The following MKI67 variants were observed in gnomAD, a reference collection of about 807,000 sequenced individuals.
The protein encoded by MKI67 is proliferation marker protein Ki-67.
In MKI67, 152 loss-of-function variants were observed where a neutral mutation model predicts 233.5. The observed-to-expected ratio is 0.65, with a 90% CI of 0.57 to 0.74. MKI67 has a LOEUF of 0.74. Among genes scored for constraint, MKI67 ranks in the 30% least tolerant of loss-of-function variants. The pLI is 0.00. For synonymous variants in MKI67, 1,465 were observed against 1,418.5 expected (o/e 1.03, Z -0.74); for missense variants, 3,940 against 3,885.2 (o/e 1.01, Z -0.37).
Position 128,105,590 on chromosome 10 carries a change from G to A in MKI67, c.6250C>T (p.Gln2084Ter), listed in dbSNP as rs1304997327. The change falls in exon 13 of 15, where the codon CAG (glutamine) becomes TAG (stop). Residue 2084 changes from glutamine (Q) to a stop codon, truncating the protein, a stop_gained. Coordinates refer to ENST00000368654, the MANE Select transcript of MKI67 (RefSeq NM_002417.5). LOFTEE classifies it high-confidence loss of function. ...GATTCCTCAGTGTGGTCTGGTGTCT[G>A]GAAGAGCTCTTTGAAGCCGGCCAGG... is the stretch of plus-strand genomic sequence containing the variant. ...EDLAGFKELF[Q>*]TPDHTEESTT... 1.9e-6 allele frequency: 3 copies of A among 1,614,148 alleles called. No individual in the cohort carries two copies. Among genetic ancestry groups the A allele is most frequent in the Non-Finnish European group, 2.5e-6 (3 of 1,180,026 alleles).
chr10:128,116,144 C>T, intron 6 of MKI67, 137 bp from the exon 7 acceptor site: 1 of 954,932 alleles, frequency 1.0e-6, no homozygotes, highest in Non-Finnish European at 1.5e-6. Flanking sequence ...TATTTAATGC[C>T]TAAAACTTGC....
In MKI67 at chr10:128,106,196, T is replaced by C. The variant is rs775935458; in HGVS notation, c.5644A>G (p.Lys1882Glu). ...NTKQRPKRSL[K>E]KADVEEEFLA... is the part of the protein sequence containing the mutation. ...AATTCTTCCTCTACGTCTGCTTTCT[T>C]GAGGCTTCTCTTGGGCCGTTGCTTT... The change falls in exon 13 of 15, where the codon AAG becomes GAG. Residue 1882 changes from lysine (K) to glutamate (E), a missense_variant. Coordinates refer to ENST00000368654, the MANE Select transcript of MKI67 (RefSeq NM_002417.5). 1 of 1,613,752 alleles carries C rather than the reference T, an allele frequency of 6.2e-7. No homozygotes were observed. Among genetic ancestry groups the C allele is most frequent in the Non-Finnish European group, 8.5e-7 (1 of 1,179,958 alleles).
Position 128,106,722 on chromosome 10 carries a change from G to C in MKI67, c.5118C>G (p.Val1706=). 6.2e-7 allele frequency: 1 copy of C among 1,613,536 alleles called. No individual in the cohort carries two copies. Among genetic ancestry groups the C allele is most frequent in the Non-Finnish European group, 8.5e-7 (1 of 1,179,908 alleles). The part of the protein sequence containing the change: ...QLRTPKGKSE[V]PEDLAGFIEL... Reference sequence around the variant, plus strand: ...CGATGAAGCCGGCCAGGTCTTCAGGGACTTCAGACTTTCCCTTAGGAGTTC... The same window carrying C: ...CGATGAAGCCGGCCAGGTCTTCAGGCACTTCAGACTTTCCCTTAGGAGTTC... The change falls in exon 13 of 15, where the codon GTC becomes GTG. Residue 1706 remains valine (V), a synonymous_variant. Transcript: ENST00000368654.
chr10:128,107,195 T>C lies in MKI67; in HGVS notation c.4645A>G (p.Lys1549Glu), dbSNP rs1461633769. The part of the protein sequence containing the change: ...HTPKPAVSGE[K>E]NIYAFMGTPV... Reference sequence around the variant, plus strand: ...GTTCCCATAAATGCGTAGATGTTTTTCTCACCACTTACTGCTGGTTTGGGT... The same window carrying C: ...GTTCCCATAAATGCGTAGATGTTTTCCTCACCACTTACTGCTGGTTTGGGT... The change falls in exon 13 of 15, where the codon AAA (lysine) becomes GAA (glutamate). Residue 1549 changes from lysine to glutamate, a missense_variant. Transcript: ENST00000368654. The C allele has an allele frequency of 1.2e-6, 2 of 1,614,086 alleles. No homozygotes were observed. The highest frequency in any genetic ancestry group is 2.2e-5 in the East Asian group (1 of 44,870).
At position 128,096,793 on chromosome 10, in the gene MKI67, A is replaced by G. The variant is rs1852221801; in HGVS notation, c.*2397T>C. 6.6e-6 allele frequency: 1 copy of G among 152,300 alleles called. No homozygotes were observed. Among genetic ancestry groups the G allele is most frequent in the South Asian group, 2.1e-4 (1 of 4,838 alleles). 9.4% of individuals were successfully genotyped at this position (152,300 alleles called of 1,614,324 possible). A position where few individuals can be genotyped will look rare whatever the true frequency, so the allele number is the denominator to read the frequency against. On this transcript the variant is annotated 3_prime_UTR_variant, in exon 15 of 15. Transcript: ENST00000368654. ...CCCCAGGAGGGGAGCCAGAAACTCA[A>G]TTAGTGGCTTAGTTTCCACAACACT...
intron 4 of MKI67, among the ~76,000 whole-genome samples, chr10:128,121,904 T>C (rs942338002): frequency 6.6e-6 from 1 of 152,084 alleles, no homozygotes; most frequent in Non-Finnish European, 1.5e-5. Flanking sequence ...CACAAATGTA[T>C]ACATTCTTGT....
rs1852438699 is a variant in MKI67 at position 128,104,796 on chromosome 10, G to A, written c.7044C>T (p.Asp2348=). The change falls in exon 13 of 15, where the codon GAC becomes GAT. Residue 2348 remains aspartate, a synonymous_variant. Transcript: ENST00000368654. The part of the protein sequence containing the change: ...TKIACKSPQP[D]PVDTPASTKQ... ...TTGTGCTTGCTGGGGTGTCCACTGG[G>A]TCTGGTTGTGGAGATTTGCAGGCTA... 1 of 1,613,404 alleles carries A rather than the reference G, an allele frequency of 6.2e-7. No individual in the cohort carries two copies. The highest frequency in any genetic ancestry group is 2.2e-5 in the East Asian group (1 of 44,788).
intron 13 of MKI67, among the ~76,000 whole-genome samples, 163 bp downstream of exon 13, chr10:128,102,416 T>C (rs1852354479): frequency 6.6e-6 from 1 of 152,204 alleles, no homozygotes; most frequent in Admixed American, 6.5e-5. Flanking sequence ...CCTCTATAGG[T>C]CCCAAGAAGA....
At chr10:128,117,185 A>G (rs912088730) in intron 5 of MKI67, among the ~76,000 whole-genome samples, 3 of 152,142 alleles carry the variant, frequency 2.0e-5, no homozygotes, top group Non-Finnish European at 4.4e-5. Flanking sequence ...AATATTAAAC[A>G]TCACCTATAC....
In MKI67 at chr10:128,115,928, C is replaced by T. The variant is rs747822810; in HGVS notation, c.480G>A (p.Lys160=). Residue 160 remains lysine, a synonymous_variant, in exon 7 of 15, where the codon AAG becomes AAA. Coordinates refer to ENST00000368654, the MANE Select transcript of MKI67 (RefSeq NM_002417.5). ...CTGCGGTACTGTCTTCTTTGACATTCTTGATATGTACCTGAGGATTTCCTG... is the reference window on the plus strand; with the variant it reads ...CTGCGGTACTGTCTTCTTTGACATTTTTGATATGTACCTGAGGATTTCCTG... The part of the protein sequence containing the change: ...KVSGNPQVHI[K]NVKEDSTADD... 2 of 1,611,766 alleles carry T rather than the reference C, an allele frequency of 1.2e-6. No homozygotes were observed.
chr10:128,108,694 C>T lies in MKI67; in HGVS notation c.3146G>A (p.Gly1049Glu). Residue 1049 changes from glycine (G) to glutamate (E), a missense_variant, in exon 13 of 15, where the codon GGG becomes GAG. By Grantham distance (98) the Gly-to-Glu change is moderately conservative. Coordinates refer to ENST00000368654, the MANE Select transcript of MKI67 (RefSeq NM_002417.5). ...CTCTCTGTGCGTGTGCGTGGTCTCC[C>T]CTGACGTCCGTGTGAACTTGCCGAC... ...LAVGKFTRTS[G>E]ETTHTHREPA... 6.2e-7 allele frequency: 1 copy of T among 1,614,192 alleles called. No individual in the cohort carries two copies. Among genetic ancestry groups the T allele is most frequent in the South Asian group, 1.1e-5 (1 of 91,078 alleles).
In MKI67 at chr10:128,101,563, G is replaced by C. The variant is rs1416012403; in HGVS notation, c.9400C>G (p.Gln3134Glu). Residue 3134 changes from glutamine to glutamate, a missense_variant, in exon 14 of 15, where the codon CAG becomes GAG. Transcript: ENST00000368654. ...PMKTSPEMDI[Q>E]NPDDGARKPI... is the part of the protein sequence containing the mutation. ...TTCCGGGCTCCATCATCTGGATTCT[G>C]AATGTCCATCTCTGGGGAGGTCTTC... is the stretch of plus-strand genomic sequence containing the variant. 1 of 1,614,184 alleles carries C rather than the reference G, an allele frequency of 6.2e-7. No individual in the cohort carries two copies. The highest frequency in any genetic ancestry group is 8.5e-7 in the Non-Finnish European group (1 of 1,180,030).
chr10:128,117,624 T>A (rs1020017288), intron 5 of MKI67, among the ~76,000 whole-genome samples: 1 of 152,262 alleles, frequency 6.6e-6, no homozygotes, highest in African/African-American at 2.4e-5. Context: ...GCAAAGAATC[T>A]AACTTCCTTA....
rs754467197 is a variant in MKI67, at chr10:128,115,911, C to T, written c.497G>A (p.Ser166Asn). The T allele has an allele frequency of 8.1e-6, 13 of 1,610,842 alleles. No individual in the cohort carries two copies. Among genetic ancestry groups the T allele is most frequent in the African/African-American group, 1.3e-5 (1 of 74,930 alleles). The change falls in exon 7 of 15, where the codon AGT becomes AAT. Residue 166 changes from serine to asparagine, a missense_variant. Coordinates refer to ENST00000368654, the MANE Select transcript of MKI67 (RefSeq NM_002417.5). ...QVHIKNVKEDSTADDSKDSVA... is the reference protein window; with the variant it reads ...QVHIKNVKEDNTADDSKDSVA... The stretch of plus-strand genomic sequence containing the variant: ...ACTGTCTTTTGAGTCATCTGCGGTA[C>T]TGTCTTCTTTGACATTCTTGATATG...
rs1852808161 is a variant in MKI67 at position 128,116,366 on chromosome 10, C to T, written c.400+125G>A. On this transcript the variant is annotated intron_variant, in intron 6 of 14. Coordinates refer to ENST00000368654, the MANE Select transcript of MKI67 (RefSeq NM_002417.5). ...TGTCTGTCGTTGACATGTTAAATGA[C>T]ACCTCCTCCATTTCTGACAGGCTAG... 3.5e-6 allele frequency: 3 copies of T among 848,134 alleles called. No homozygotes were observed. The African/African-American group carries it at 5.1e-5, about 14-fold the overall frequency. The allele number at this position is 848,134 out of a possible 1,614,324, so 52.5% of individuals were successfully genotyped here.
At chr10:128,122,240 T>C (rs1305191809) in intron 4 of MKI67, among the ~76,000 whole-genome samples, 1 of 152,076 alleles carries the variant, frequency 6.6e-6, no homozygotes, top group African/African-American at 2.4e-5. Context: ...TCTCTGTGCC[T>C]CTCTCCTTGA....
In MKI67 at chr10:128,121,442, T is replaced by C. The variant is rs1428341097; in HGVS notation, c.287+1439A>G. Among the ~76,000 whole-genome samples, 6 of 140,324 alleles carry C rather than the reference T, an allele frequency of 4.3e-5. No individual in the cohort carries two copies. The East Asian group carries it at 1.2e-3, about 28-fold the overall frequency. 92.1% of individuals were successfully genotyped at this position (140,324 alleles called of 152,430 possible). ...TATATATACCATATAGTATATACTG[T>C]ATACAGTATATACTATATGGTATAT... On this transcript the variant is annotated intron_variant, in intron 4 of 14. Transcript: ENST00000368654.
intron 4 of MKI67, 121 bp downstream of exon 4, chr10:128,122,760 T>A: frequency 1.9e-6 from 1 of 525,606 alleles, no homozygotes; most frequent in South Asian, 3.6e-5. Flanking sequence ...GTGTTGAGAA[T>A]GAAAACCTGA....
Position 128,102,871 on chromosome 10 carries a change from G to T in MKI67, c.8969C>A (p.Ser2990Tyr). 1.2e-6 allele frequency: 2 copies of T among 1,614,204 alleles called. No homozygotes were observed. The highest frequency in any genetic ancestry group is 1.7e-6 in the Non-Finnish European group (2 of 1,180,048). ...CCTCTTGAAGGGCAGTGGGGGCAGG[G>T]AAGTGTTGCTTTTGCTTTGTGATTT... is the stretch of plus-strand genomic sequence containing the variant. ...PVKSQSKSNT[S>Y]LPPLPFKRGG... The change falls in exon 13 of 15, where the codon TCC becomes TAC. Residue 2990 changes from serine (S) to tyrosine (Y), a missense_variant. Ser to Tyr is a moderately radical substitution (Grantham distance 144, BLOSUM62 -2). Coordinates refer to ENST00000368654, the MANE Select transcript of MKI67 (RefSeq NM_002417.5).
Sources: gnomAD v4.1 joint callset for allele counts (sites outside exome capture counted in the v4.1 genomes callset) on GRCh38, gnomAD v4.1.1 for gene constraint, MANE v1.5 for transcripts, NCBI Gene and HGNC (gene_info 2026-07-23, HGNC 2026-07-21) for gene names.